GRM5: variants seen among roughly 807,000 people sequenced by gnomAD.
The protein encoded by GRM5 is glutamate metabotropic receptor 5.
Under a neutral mutation model 83.1 loss-of-function variants are expected in GRM5, and 19 were observed. The ratio of observed to expected loss-of-function variants is 0.23; its 90% confidence interval spans 0.16 to 0.34. GRM5 has a LOEUF of 0.34. Among genes scored for constraint, GRM5 ranks in the 10% least tolerant of loss-of-function variants. The pLI, the probability that GRM5 is intolerant of heterozygous loss-of-function variation, is 1.00. For missense variants in GRM5, 1,160 were observed against 1,588.3 expected, an observed-to-expected ratio of 0.73 and a Z score of 4.58; for synonymous variants, 675 against 633.6, an observed-to-expected ratio of 1.07 and a Z score of -0.98.
intron 2 of GRM5, among the ~76,000 whole-genome samples, chr11:88,872,087 A>G (rs1944778088): frequency 6.6e-6 from 1 of 151,560 alleles, no homozygotes; most frequent in Admixed American, 6.6e-5. Flanking sequence ...GTGAGAAACA[A>G]AATGAGATGG....
chr11:88,553,302 T>C (rs1438763887), intron 8 of GRM5, among the ~76,000 whole-genome samples: 2 of 152,166 alleles, frequency 1.3e-5, no homozygotes, highest in Non-Finnish European at 2.9e-5. Context: ...AAGTCTACTT[T>C]TGTCCTGGTC....
At chr11:88,548,884 T>A in intron 8 of GRM5, among the ~76,000 whole-genome samples, 1 of 152,170 alleles carries the variant, frequency 6.6e-6, no homozygotes, top group East Asian at 1.9e-4. Context: ...CACATATTTA[T>A]CAGATAACTT....
intron 4 of GRM5, among the ~76,000 whole-genome samples, chr11:88,648,982 C>G (rs971759962): frequency 1.4e-5 from 2 of 145,094 alleles, no homozygotes; most frequent in Admixed American, 1.4e-4. Flanking sequence ...TCTGGAAACC[C>G]TAAGAAAGTA....
At chr11:88,516,471 A>G (rs1016044740) in intron 9 of GRM5, among the ~76,000 whole-genome samples, 1 of 152,188 alleles carries the variant, frequency 6.6e-6, no homozygotes, top group Non-Finnish European at 1.5e-5. Flanking sequence ...AACATTGCTG[A>G]GATAAATCCT....
chr11:88,983,633 A>G (rs1939597646), intron 2 of GRM5, among the ~76,000 whole-genome samples: 1 of 152,152 alleles, frequency 6.6e-6, no homozygotes, highest in Admixed American at 6.5e-5. Flanking sequence ...ATTAATGACA[A>G]TAAATCACTA....
chr11:88,575,511 T>A (rs1228108835), intron 7 of GRM5, among the ~76,000 whole-genome samples: 1 of 152,240 alleles, frequency 6.6e-6, no homozygotes, highest in African/African-American at 2.4e-5. Context: ...GAATCATGAT[T>A]AATTAACAAT....
intron 2 of GRM5, among the ~76,000 whole-genome samples, chr11:88,953,992 A>G (rs1454802918): frequency 6.6e-6 from 1 of 152,220 alleles, no homozygotes; most frequent in African/African-American, 2.4e-5. Context: ...TTAACACGTT[A>G]TATTTCATGT....
chr11:88,793,965 G>A (rs575807310), intron 3 of GRM5, among the ~76,000 whole-genome samples: 10 of 152,242 alleles, frequency 6.6e-5, no homozygotes, highest in Admixed American at 2.6e-4. Flanking sequence ...AGCTGGGACT[G>A]ACTACAGGCA....
chr11:88,845,736 C>T (rs1305450433), intron 3 of GRM5, among the ~76,000 whole-genome samples: 2 of 148,610 alleles, frequency 1.3e-5, no homozygotes, highest in African/African-American at 5.0e-5. Flanking sequence ...CCCCCCCCCA[C>T]TTTTTATATG....
intron 3 of GRM5, among the ~76,000 whole-genome samples, chr11:88,663,867 C>G (rs958733228): frequency 6.6e-6 from 1 of 152,128 alleles, no homozygotes; most frequent in Non-Finnish European, 1.5e-5. Flanking sequence ...TATTGAACAC[C>G]TAAGCAATAA....
At chr11:89,031,368 GTTA>G (rs1440073773) in intron 2 of GRM5, among the ~76,000 whole-genome samples, 4 of 151,454 alleles carry the variant, frequency 2.6e-5, no homozygotes, top group Admixed American at 2.6e-4. Flanking sequence ...TGTTTTTGTT[GTTA>G]TTAAGTTAAT....
chr11:88,656,005 A>T (rs1238257952), intron 3 of GRM5, among the ~76,000 whole-genome samples: 1 of 152,146 alleles, frequency 6.6e-6, no homozygotes, highest in Admixed American at 6.6e-5. Flanking sequence ...TATGCTTTTA[A>T]GATTTGCATT....
intron 3 of GRM5, among the ~76,000 whole-genome samples, chr11:88,656,388 A>G (rs919222007): frequency 1.3e-5 from 2 of 152,144 alleles, no homozygotes; most frequent in African/African-American, 4.8e-5. Context: ...GCATTTACAA[A>G]TTTAGCTACT....
At chr11:88,962,112 G>T (rs912837309) in intron 2 of GRM5, among the ~76,000 whole-genome samples, 7 of 152,172 alleles carry the variant, frequency 4.6e-5, no homozygotes, top group Non-Finnish European at 8.8e-5. Context: ...AGTGGCAGAG[G>T]TATGATAAAA....
At chr11:88,781,153 A>G (rs952051763) in intron 3 of GRM5, among the ~76,000 whole-genome samples, 1 of 148,494 alleles carries the variant, frequency 6.7e-6, no homozygotes, top group African/African-American at 2.5e-5. Flanking sequence ...ATATATGTAT[A>G]TATTTGGTGT....
chr11:88,686,463 T>G (rs1318732177), intron 3 of GRM5, among the ~76,000 whole-genome samples: 1 of 152,122 alleles, frequency 6.6e-6, no homozygotes, highest in East Asian at 1.9e-4. Context: ...TTAAATGAAT[T>G]AAGACTTTAG....
In GRM5 at chr11:88,862,842, G is replaced by A. The variant is rs539500692; in HGVS notation, c.662-12687C>T. On this transcript the variant is annotated intron_variant, in intron 2 of 9. Coordinates refer to ENST00000305447, the MANE Select transcript of GRM5 (RefSeq NM_001143831.3). ...AGCAAACAGACCATCTACAGAATAG[G>A]GAAAAATGTTTACAATCTATCCATC... Among the ~76,000 whole-genome samples the A allele has an allele frequency of 2.0e-5, 3 of 151,944 alleles. No individual in the cohort carries two copies. The East Asian group carries it at 5.8e-4, about 29-fold the overall frequency.
chr11:88,616,715 T>C (rs969537834), intron 4 of GRM5, among the ~76,000 whole-genome samples: 2 of 152,188 alleles, frequency 1.3e-5, no homozygotes, highest in South Asian at 4.1e-4. Flanking sequence ...AAATCACTAA[T>C]ACATAATTAT....
intron 1 of GRM5, among the ~76,000 whole-genome samples, chr11:89,051,490 A>T (rs1299852742): frequency 6.6e-6 from 1 of 152,012 alleles, no homozygotes; most frequent in African/African-American, 2.4e-5. Context: ...CGGGCAGTTC[A>T]CTTGAGGTCA....
Sources: gnomAD v4.1 joint callset for allele counts (sites outside exome capture counted in the v4.1 genomes callset) on GRCh38, gnomAD v4.1.1 for gene constraint, MANE v1.5 for transcripts, NCBI Gene and HGNC (gene_info 2026-07-23, HGNC 2026-07-21) for gene names.